PROS1: variants seen among roughly 807,000 people sequenced by gnomAD.
The protein encoded by PROS1 is protein S, also known as vitamin K-dependent protein S.
PROS1 carries 29 observed loss-of-function variants against 75.9 expected under a neutral mutation model. The ratio of observed to expected loss-of-function variants is 0.38; its 90% confidence interval spans 0.28 to 0.52. The LOEUF is 0.52. Ranked by LOEUF, PROS1 falls within the 20% of genes least tolerant of loss-of-function variation. The pLI, the probability that PROS1 is intolerant of heterozygous loss-of-function variation, is 0.83. For missense variants in PROS1, 680 were observed against 810.3 expected (o/e 0.84, Z 1.95); for synonymous variants, 245 against 280.6 (o/e 0.87, Z 1.27).
At chr3:93,953,843 A>C (rs1437381058) in intron 1 of PROS1, among the ~76,000 whole-genome samples, 1 of 152,216 alleles carries the variant, frequency 6.6e-6, no homozygotes, top group Non-Finnish European at 1.5e-5. Context: ...GTCTCAGCCC[A>C]AAATCTCCTT....
At chr3:93,954,163 T>G (rs1307363770) in intron 1 of PROS1, among the ~76,000 whole-genome samples, 1 of 152,198 alleles carries the variant, frequency 6.6e-6, no homozygotes, top group Non-Finnish European at 1.5e-5. Flanking sequence ...AGGTAATTTA[T>G]GGATTCAATG....
intron 6 of PROS1, among the ~76,000 whole-genome samples, chr3:93,903,918 A>C (rs1441568095): frequency 6.7e-6 from 1 of 148,502 alleles, no homozygotes; most frequent in Non-Finnish European, 1.5e-5. Flanking sequence ...GCACCCACTA[A>C]CTCGTCATCT....
At chr3:93,966,054 A>G (rs766321729) in intron 1 of PROS1, among the ~76,000 whole-genome samples, 2 of 152,150 alleles carry the variant, frequency 1.3e-5, no homozygotes, top group Non-Finnish European at 2.9e-5. Context: ...TCCTAACCAT[A>G]TCAACAGACG....
rs566125037 is a variant in PROS1 at position 93,973,744 on chromosome 3, C to A, written c.6G>T (p.Arg2Ser). 1.2e-6 allele frequency: 2 copies of A among 1,612,832 alleles called. No individual in the cohort carries two copies. The highest frequency in any genetic ancestry group is 1.1e-5 in the South Asian group (1 of 90,970). Reference protein sequence around the residue: MRVLGGRCGALL... With the variant: MSVLGGRCGALL... ...GCGCCCCGCAGCGCCCACCCAGGAC[C>A]CTCATTTCGAAGCGCGCGGAGGCGC... is the stretch of plus-strand genomic sequence containing the variant. The change falls in exon 1 of 15, where the codon AGG (arginine) becomes AGT (serine). Residue 2 changes from arginine to serine, a missense_variant. Physicochemically the swap from Arg to Ser is moderately radical, Grantham distance 110. Coordinates refer to ENST00000394236, the MANE Select transcript of PROS1 (RefSeq NM_000313.4).
At chr3:93,917,869 C>T (rs540203963) in intron 3 of PROS1, among the ~76,000 whole-genome samples, 2 of 152,294 alleles carry the variant, frequency 1.3e-5, no homozygotes, top group South Asian at 2.1e-4. Context: ...GAGCCTCCCC[C>T]GCCTCTGTGG....
chr3:93,970,097 G>T (rs944279751), intron 1 of PROS1, among the ~76,000 whole-genome samples: 14 of 152,078 alleles, frequency 9.2e-5, no homozygotes, highest in African/African-American at 3.4e-4. Flanking sequence ...TTTTAGTAAA[G>T]ATAATTTAAG....
intron 3 of PROS1, among the ~76,000 whole-genome samples, chr3:93,923,606 A>T (rs1222390162): frequency 6.6e-6 from 1 of 152,182 alleles, no homozygotes; most frequent in East Asian, 1.9e-4. Flanking sequence ...CCCTTTTAAA[A>T]TACAGCAGCT....
At chr3:93,914,208 C>T (rs1206569007) in intron 3 of PROS1, among the ~76,000 whole-genome samples, 1 of 152,234 alleles carries the variant, frequency 6.6e-6, no homozygotes, top group Non-Finnish European at 1.5e-5. Context: ...ACTCCCATGG[C>T]TCCACTAGGC....
At chr3:93,914,508 C>T (rs1273868471) in intron 3 of PROS1, among the ~76,000 whole-genome samples, 1 of 152,164 alleles carries the variant, frequency 6.6e-6, no homozygotes, top group East Asian at 1.9e-4. Flanking sequence ...GTCCCTAGGT[C>T]GTGCAGAGCA....
chr3:93,913,970 C>G (rs1351420920), intron 3 of PROS1, among the ~76,000 whole-genome samples: 1 of 152,224 alleles, frequency 6.6e-6, no homozygotes, highest in Non-Finnish European at 1.5e-5. Flanking sequence ...AGAAAAACAA[C>G]ATAAAATGTT....
intron 6 of PROS1, among the ~76,000 whole-genome samples, chr3:93,903,762 T>C (rs1425940712): frequency 6.6e-6 from 1 of 152,166 alleles, no homozygotes; most frequent in Non-Finnish European, 1.5e-5. Flanking sequence ...ACAAAATGCA[T>C]ATGGTATCCA....
intron 13 of PROS1, among the ~76,000 whole-genome samples, chr3:93,877,826 A>G (rs1708213917): frequency 6.6e-6 from 1 of 152,222 alleles, no homozygotes; most frequent in Non-Finnish European, 1.5e-5. Flanking sequence ...ATCTCTTCAT[A>G]TAGCTTATAT....
At chr3:93,921,075 G>T (rs570751595) in intron 3 of PROS1, among the ~76,000 whole-genome samples, 2 of 152,142 alleles carry the variant, frequency 1.3e-5, no homozygotes, top group East Asian at 3.9e-4. Flanking sequence ...TTAGTGGTGG[G>T]GTCTTACTAT....
At chr3:93,890,496 A>G (rs1326899699) in intron 10 of PROS1, among the ~76,000 whole-genome samples, 1 of 152,098 alleles carries the variant, frequency 6.6e-6, no homozygotes, top group African/African-American at 2.4e-5. Context: ...CTTAATAAAA[A>G]CTTGCTGGTT....
At chr3:93,890,672 G>A (rs564928589) in intron 10 of PROS1, among the ~76,000 whole-genome samples, 86 of 152,254 alleles carry the variant, frequency 5.6e-4, no homozygotes, top group Non-Finnish European at 1.0e-3. Flanking sequence ...AGGTTTCCCC[G>A]ATATGCTATA....
chr3:93,954,054 C>T (rs1379044672), intron 1 of PROS1, among the ~76,000 whole-genome samples: 1 of 152,142 alleles, frequency 6.6e-6, no homozygotes, highest in South Asian at 2.1e-4. Context: ...ATACAAACCC[C>T]TGCTCAACGA....
chr3:93,876,588 C>CAAAAA (rs34147087), intron 14 of PROS1, among the ~76,000 whole-genome samples: 31 of 34,976 alleles, frequency 8.9e-4, no homozygotes, highest in African/African-American at 1.6e-3. Flanking sequence ...GACTCCATCT[C>CAAAAA]AAAAAAAAAA....
chr3:93,916,880 A>G (rs1191182453), intron 3 of PROS1, among the ~76,000 whole-genome samples: 2 of 152,226 alleles, frequency 1.3e-5, no homozygotes. Context: ...TTCTATAGGC[A>G]CCACTATCCT....
chr3:93,906,686 G>A (rs1392841784), intron 4 of PROS1, among the ~76,000 whole-genome samples: 4 of 152,220 alleles, frequency 2.6e-5, no homozygotes, highest in African/African-American at 9.6e-5. Flanking sequence ...AGCTGCCCAA[G>A]CCTGGCTGGA....
Sources: gnomAD v4.1 joint callset for allele counts (sites outside exome capture counted in the v4.1 genomes callset) on GRCh38, gnomAD v4.1.1 for gene constraint, MANE v1.5 for transcripts, NCBI Gene and HGNC (gene_info 2026-07-23, HGNC 2026-07-21) for gene names.